Variants in NRG1 observed in about 807,000 individuals in gnomAD.
The protein encoded by NRG1 is neuregulin 1.
Under a neutral mutation model 63.8 loss-of-function variants are expected in NRG1, and 18 were observed. The observed-to-expected ratio is 0.28, with a 90% CI of 0.19 to 0.42. NRG1 has a LOEUF of 0.42. Among genes scored for constraint, NRG1 ranks in the 10% least tolerant of loss-of-function variants. NRG1 has a pLI of 1.00. For synonymous variants in NRG1, 302 were observed against 301.3 expected, an observed-to-expected ratio of 1.00 and a Z score of -0.02; for missense variants, 762 against 814.7, an observed-to-expected ratio of 0.94 and a Z score of 0.79.
chr8:32,396,500 A>G (rs1036916740), intron 1 of NRG1, among the ~76,000 whole-genome samples: 44 of 152,222 alleles, frequency 2.9e-4, no homozygotes, highest in African/African-American at 1.0e-3. Flanking sequence ...CCAGGCTGGA[A>G]TGCAATAGCA....
At chr8:32,442,563 G>A (rs956838744) in intron 1 of NRG1, 1 of 152,180 alleles carries the variant, frequency 6.6e-6, no homozygotes, top group Non-Finnish European at 1.5e-5. Context: ...TGAGATATTC[G>A]AAAGTCCAGT....
chr8:32,280,691 G>GGTTTTTTTTT (rs1852633556), intron 1 of NRG1, among the ~76,000 whole-genome samples: 1 of 57,628 alleles, frequency 1.7e-5, no homozygotes, highest in African/African-American at 5.5e-5. Context: ...TTTTTTTTTT[G>GGTTTTTTTTT]TTTTTTTTTT....
intron 1 of NRG1, among the ~76,000 whole-genome samples, chr8:32,338,462 A>G (rs1337707575): frequency 6.6e-6 from 1 of 152,162 alleles, no homozygotes; most frequent in African/African-American, 2.4e-5. Flanking sequence ...TTTGATAAGT[A>G]TGAGGCATTC....
chr8:32,382,225 G>A (rs1810445423), intron 1 of NRG1, among the ~76,000 whole-genome samples: 1 of 152,124 alleles, frequency 6.6e-6, no homozygotes. Context: ...TTTAGCAGGT[G>A]TCAGAATCCA....
chr8:32,016,476 T>A (rs895312108), intron 1 of NRG1, among the ~76,000 whole-genome samples: 1 of 152,114 alleles, frequency 6.6e-6, no homozygotes, highest in Non-Finnish European at 1.5e-5. Context: ...AAAATAATTA[T>A]CAAGCTGTTT....
intron 1 of NRG1, among the ~76,000 whole-genome samples, chr8:32,291,140 C>T (rs919227300): frequency 3.9e-5 from 6 of 152,138 alleles, no homozygotes; most frequent in Non-Finnish European, 7.4e-5. Flanking sequence ...AGGGGAAGGT[C>T]GCCATTTTGT....
At chr8:31,660,614 C>CT (rs1220988215) in intron 1 of NRG1, among the ~76,000 whole-genome samples, 1 of 152,172 alleles carries the variant, frequency 6.6e-6, no homozygotes, top group Non-Finnish European at 1.5e-5. Flanking sequence ...TCACCAGCCA[C>CT]TAGAGTTAAA....
intron 1 of NRG1, among the ~76,000 whole-genome samples, chr8:32,080,153 G>T (rs994562469): frequency 2.0e-5 from 3 of 152,186 alleles, no homozygotes; most frequent in African/African-American, 7.2e-5. Context: ...TGTTTATCCT[G>T]CTTTTAAAGG....
intron 1 of NRG1, among the ~76,000 whole-genome samples, chr8:32,081,968 C>T (rs1827523785): frequency 6.6e-6 from 1 of 152,132 alleles, no homozygotes; most frequent in Admixed American, 6.5e-5. Context: ...CCACAGGATA[C>T]ATTAGGCAAG....
At chr8:32,589,130 A>G (rs964123266) in intron 1 of NRG1, among the ~76,000 whole-genome samples, 3 of 152,208 alleles carry the variant, frequency 2.0e-5, no homozygotes, top group Non-Finnish European at 4.4e-5. Context: ...TTACACAGCT[A>G]TATTTACACA....
chr8:32,485,352 C>T (rs1203114926), intron 1 of NRG1, among the ~76,000 whole-genome samples: 2 of 151,158 alleles, frequency 1.3e-5, no homozygotes, highest in African/African-American at 2.4e-5. Flanking sequence ...GTGATCCTCC[C>T]TCCTCGGCCT....
In NRG1 at chr8:31,814,041, T is replaced by A. The variant is rs562860753; in HGVS notation, c.37+174610T>A. 2.9e-3 allele frequency among the ~76,000 whole-genome samples: 436 copies of A among 152,284 alleles called. 3 individuals are homozygous for A. Among genetic ancestry groups the A allele is most frequent in the Non-Finnish European group, 4.5e-3 (304 of 68,020 alleles). ...GAAACACTATTCAAAAGCAGTGTTT[T>A]CAGCACCTGATCTTTATTGCCTCAC... On this transcript the variant is annotated intron_variant, in intron 1 of 10. Coordinates refer to the NRG1 transcript ENST00000519301.
chr8:32,758,109 G>C (rs1482436135), intron 9 of NRG1, among the ~76,000 whole-genome samples: 1 of 152,144 alleles, frequency 6.6e-6, no homozygotes, highest in East Asian at 1.9e-4. Flanking sequence ...AGAGCCCGCA[G>C]ACCGTCAGAT....
chr8:32,281,813 C>CT (rs1852888332), intron 1 of NRG1, among the ~76,000 whole-genome samples: 1 of 149,626 alleles, frequency 6.7e-6, no homozygotes, highest in Admixed American at 6.6e-5. Context: ...AGACCCCCCC[C>CT]ATCTCTTTTA....
At chr8:31,735,395 A>AC (rs1315107764) in intron 1 of NRG1, among the ~76,000 whole-genome samples, 2 of 152,084 alleles carry the variant, frequency 1.3e-5, no homozygotes, top group Admixed American at 6.6e-5. Context: ...ACCAAAAAAA[A>AC]CCCCACTGTC....
chr8:32,402,592 G>T (rs1049293917), intron 1 of NRG1, among the ~76,000 whole-genome samples: 2 of 152,132 alleles, frequency 1.3e-5, no homozygotes, highest in Non-Finnish European at 2.9e-5. Context: ...AGCCCTCTCA[G>T]TTATTAGATC....
intron 1 of NRG1, among the ~76,000 whole-genome samples, chr8:31,714,917 G>A (rs1375875555): frequency 6.6e-6 from 1 of 151,980 alleles, no homozygotes; most frequent in South Asian, 2.1e-4. Flanking sequence ...GTAGCCTTGT[G>A]ATTTTTTTTT....
chr8:32,262,398 G>C (rs1403951831), intron 1 of NRG1, among the ~76,000 whole-genome samples: 1 of 152,136 alleles, frequency 6.6e-6, no homozygotes, highest in Non-Finnish European at 1.5e-5. Context: ...AAAAATGCTG[G>C]AGGTGTGAAA....
At chr8:32,288,985 A>G (rs1379050192) in intron 1 of NRG1, among the ~76,000 whole-genome samples, 1 of 152,168 alleles carries the variant, frequency 6.6e-6, no homozygotes, top group Non-Finnish European at 1.5e-5. Flanking sequence ...AAATATAACC[A>G]CGCAAACTGG....
Sources: gnomAD v4.1 joint callset for allele counts (sites outside exome capture counted in the v4.1 genomes callset) on GRCh38, gnomAD v4.1.1 for gene constraint, MANE v1.5 for transcripts, NCBI Gene and HGNC (gene_info 2026-07-23, HGNC 2026-07-21) for gene names.